The following SFMBT1 variants were observed in gnomAD, a reference collection of about 807,000 sequenced individuals.
The protein encoded by SFMBT1 is scm-like with four MBT domains protein 1.
SFMBT1 carries 32 observed loss-of-function variants against 108.7 expected under a neutral mutation model. The observed-to-expected ratio is 0.29, with a 90% CI of 0.22 to 0.40. The LOEUF is 0.40. Ranked by LOEUF, SFMBT1 falls within the 10% of genes least tolerant of loss-of-function variation. The pLI, the probability that SFMBT1 is intolerant of heterozygous loss-of-function variation, is 1.00. For synonymous variants in SFMBT1, 348 were observed against 369.5 expected (o/e 0.94, Z 0.67); for missense variants, 816 against 1,059.6 (o/e 0.77, Z 3.19).
intron 1 of SFMBT1, among the ~76,000 whole-genome samples, chr3:53,008,001 G>C (rs1698804553): frequency 1.3e-5 from 2 of 150,526 alleles, no homozygotes; most frequent in South Asian, 2.1e-4. Flanking sequence ...AGAAGGCTGA[G>C]AAAGACTTGG....
intron 1 of SFMBT1, among the ~76,000 whole-genome samples, chr3:52,975,768 CT>C (rs1165519160): frequency 6.6e-6 from 1 of 152,046 alleles, no homozygotes; most frequent in Non-Finnish European, 1.5e-5. Flanking sequence ...CGCCCGGCTA[CT>C]TTTTGTATTT....
Position 53,001,925 on chromosome 3 carries a change from T to TCTCTCTCACACA in SFMBT1, c.-130-32668_-130-32667insTGTGTGAGAGAG, listed in dbSNP as rs1448849638. Among the ~76,000 whole-genome samples, 33 of 129,236 alleles carry TCTCTCTCACACA rather than the reference T, an allele frequency of 2.6e-4. 2 individuals carry two copies. The highest frequency in any genetic ancestry group is 2.3e-3 in the Admixed American group (28 of 12,128). 84.8% of individuals were successfully genotyped at this position (129,236 alleles called of 152,430 possible). ...GGGCAACAGAGCAAGACCCAGTCTC[T>TCTCTCTCACACA]CACACACACACACACACACACACAC... On this transcript the variant is annotated intron_variant, in intron 1 of 20. Transcript: ENST00000394752.
intron 1 of SFMBT1, among the ~76,000 whole-genome samples, chr3:52,984,176 AG>A (rs1704822564): frequency 6.6e-6 from 1 of 152,196 alleles, no homozygotes; most frequent in African/African-American, 2.4e-5. Flanking sequence ...GAATGGTTTG[AG>A]GAAGAAAAAT....
At chr3:52,942,578 T>C (rs558730337) in intron 4 of SFMBT1, among the ~76,000 whole-genome samples, 15 of 152,222 alleles carry the variant, frequency 9.9e-5, no homozygotes, top group Non-Finnish European at 2.2e-4. Flanking sequence ...AGTGGCGCGA[T>C]CTCGGCTCAA....
intron 1 of SFMBT1, among the ~76,000 whole-genome samples, chr3:52,976,702 C>A (rs573966445): frequency 6.6e-6 from 1 of 152,042 alleles, no homozygotes; most frequent in African/African-American, 2.4e-5. Context: ...CTATCTCCAG[C>A]GTATATAGCA....
intron 10 of SFMBT1, among the ~76,000 whole-genome samples, chr3:52,922,530 C>A (rs1290500211): frequency 6.6e-6 from 1 of 152,088 alleles, no homozygotes; most frequent in Non-Finnish European, 1.5e-5. Flanking sequence ...ATTTTATAAG[C>A]TAAAATTTAG....
intron 12 of SFMBT1, 60 bp from the exon 13 acceptor site, chr3:52,918,586 T>A (rs978636601): frequency 1.8e-6 from 2 of 1,138,866 alleles, no homozygotes; most frequent in Non-Finnish European, 2.5e-6. Context: ...GGAAAATTCA[T>A]ATGTGTATTA....
intron 1 of SFMBT1, among the ~76,000 whole-genome samples, chr3:53,015,254 C>T (rs1462746453): frequency 6.7e-6 from 1 of 149,630 alleles, no homozygotes; most frequent in Non-Finnish European, 1.5e-5. Context: ...TTGGCAATAC[C>T]CCAATTAAAG....
chr3:52,993,812 C>G (rs1437848077), intron 1 of SFMBT1, among the ~76,000 whole-genome samples: 4 of 149,960 alleles, frequency 2.7e-5, no homozygotes, highest in Non-Finnish European at 6.0e-5. Context: ...TACACAAGAT[C>G]AAGGAAAGAA....
At chr3:52,994,372 A>G (rs1305136455) in intron 1 of SFMBT1, among the ~76,000 whole-genome samples, 2 of 150,374 alleles carry the variant, frequency 1.3e-5, no homozygotes. Flanking sequence ...CAATCACAAG[A>G]GACAACCTGA....
intron 5 of SFMBT1, 152 bp from the exon 6 acceptor site, chr3:52,932,460 T>C (rs1702887536): frequency 4.1e-6 from 3 of 723,178 alleles, no homozygotes; most frequent in Non-Finnish European, 6.7e-6. Flanking sequence ...ACAAGCCTCT[T>C]ACAGTATTAT....
At chr3:52,916,029 T>C in intron 14 of SFMBT1, 121 bp downstream of exon 14, 1 of 741,512 alleles carries the variant, frequency 1.3e-6, no homozygotes, top group Non-Finnish European at 2.2e-6. Flanking sequence ...AAGTCACAAT[T>C]AAGAGACCCC....
chr3:52,961,840 A>C (rs1473032259), intron 2 of SFMBT1, among the ~76,000 whole-genome samples: 1 of 152,182 alleles, frequency 6.6e-6, no homozygotes, highest in Non-Finnish European at 1.5e-5. Flanking sequence ...GGCCCTTAGC[A>C]AGGACTCTAG....
At chr3:52,948,832 T>TC (rs1286068470) in intron 3 of SFMBT1, among the ~76,000 whole-genome samples, 2 of 131,144 alleles carry the variant, frequency 1.5e-5, no homozygotes, top group African/African-American at 5.6e-5. Context: ...TTAATTTTTT[T>TC]TTTTTTTTTT....
intron 17 of SFMBT1, 61 bp downstream of exon 17, chr3:52,910,942 T>C: frequency 1.3e-6 from 2 of 1,554,232 alleles, no homozygotes; most frequent in East Asian, 2.2e-5. Flanking sequence ...AGTAAAAAAC[T>C]TTCCAAGATG....
intron 3 of SFMBT1, among the ~76,000 whole-genome samples, chr3:52,954,050 G>A (rs974814112): frequency 1.3e-5 from 2 of 152,036 alleles, no homozygotes; most frequent in Admixed American, 6.5e-5. Context: ...GCGTGAACCC[G>A]GGAGGCGGAG....
chr3:52,916,352 G>T, intron 13 of SFMBT1, 138 bp from the exon 14 acceptor site: 65 of 452,976 alleles, frequency 1.4e-4, no homozygotes, highest in Non-Finnish European at 1.8e-4. Flanking sequence ...CTCCCTTGAT[G>T]ATACTTTTTT....
At position 52,986,457 on chromosome 3, in the gene SFMBT1, C is replaced by T. The variant is rs547885562; in HGVS notation, c.-130-17199G>A. Among the ~76,000 whole-genome samples, 6 of 152,150 alleles carry T rather than the reference C, an allele frequency of 3.9e-5. No homozygotes were observed. In the South Asian group the frequency reaches 1.0e-3, roughly 26 times the overall value. On this transcript the variant is annotated intron_variant, in intron 1 of 20. Transcript: ENST00000394752. ...TAACACATAGCTTAAAATACAAACA[C>T]TGTATAGCTGTACAAAAATATTTTT...
chr3:53,001,762 A>AG (rs199540014), intron 1 of SFMBT1, among the ~76,000 whole-genome samples: 3,609 of 148,910 alleles, frequency 0.024, 304 homozygotes, highest in Non-Finnish European at 0.038. Flanking sequence ...CAAAAAAAAA[A>AG]AAAATTGTAA....
Sources: allele counts gnomAD v4.1 joint callset (sites outside exome capture counted in the v4.1 genomes callset), GRCh38; gene constraint gnomAD v4.1.1; transcripts MANE v1.5; gene names NCBI Gene and HGNC (gene_info 2026-07-23, HGNC 2026-07-21).